Variants in MAP2 observed in about 807,000 individuals in gnomAD.
MAP2 encodes microtubule-associated protein 2.
In MAP2, 14 loss-of-function variants were observed where a neutral mutation model predicts 137.6. That is an observed-to-expected ratio of 0.10 (90% CI 0.07 to 0.16). The LOEUF (loss-of-function observed/expected upper bound fraction) is 0.16, where lower values mean the gene tolerates loss of function less well. MAP2 is among the 10% of genes least tolerant of loss of function. The probability of loss-of-function intolerance (pLI) is 1.00; values close to 1 mark genes in which losing one functional copy is unlikely to be tolerated. For missense variants in MAP2, 2,088 were observed against 2,191.5 expected (o/e 0.95, Z 0.94); for synonymous variants, 786 against 782.3 (o/e 1.00, Z -0.08).
At chr2:209,474,431 G>C (rs917710340) in intron 1 of MAP2, among the ~76,000 whole-genome samples, 1 of 151,892 alleles carries the variant, frequency 6.6e-6, no homozygotes, top group African/African-American at 2.4e-5. Flanking sequence ...ATTATTTATT[G>C]CTTATTCCAC....
rs774370982 is a variant in MAP2 at position 209,695,917 on chromosome 2, C to T, written c.3747C>T (p.Leu1249=). The change falls in exon 8 of 16, where the codon CTC becomes CTT. Residue 1249 remains leucine (L), a synonymous_variant. Coordinates refer to ENST00000682079, the MANE Select transcript of MAP2 (RefSeq NM_001375505.1). ...CCCAGGGAGAATATGATAAACTGCT[C>T]TTCCGCTCAGACACCCTTCAGATAA... is the stretch of plus-strand genomic sequence containing the variant. The part of the protein sequence containing the change: ...IEAQGEYDKL[L]FRSDTLQITD... The T allele has an allele frequency of 6.2e-6, 10 of 1,614,172 alleles. No homozygotes were observed. Among genetic ancestry groups the T allele is most frequent in the Non-Finnish European group, 8.5e-6 (10 of 1,180,022 alleles).
intron 3 of MAP2, among the ~76,000 whole-genome samples, chr2:209,605,701 T>C (rs2084445239): frequency 6.6e-6 from 1 of 152,188 alleles, no homozygotes; most frequent in Non-Finnish European, 1.5e-5. Flanking sequence ...TAAAAAACTA[T>C]TGTGATACAG....
intron 1 of MAP2, among the ~76,000 whole-genome samples, chr2:209,427,801 A>C (rs910582497): frequency 6.6e-6 from 1 of 152,038 alleles, no homozygotes; most frequent in African/African-American, 2.4e-5. Flanking sequence ...CAAAAGGCCA[A>C]AGTCAAGGGA....
chr2:209,661,700 T>C, intron 5 of MAP2: 1 of 985,334 alleles, frequency 1.0e-6, no homozygotes, highest in Non-Finnish European at 1.2e-6. Flanking sequence ...CACGTTTGCT[T>C]TGTCCTATGT....
At chr2:209,705,528 A>G in intron 11 of MAP2, 52 bp from the exon 12 acceptor site, 1 of 1,481,824 alleles carries the variant, frequency 6.7e-7, no homozygotes, top group South Asian at 1.4e-5. Context: ...ATCACTTCGT[A>G]TAAATTAAAG....
chr2:209,609,460 ATCACCCC>A (rs1281935945), intron 3 of MAP2, among the ~76,000 whole-genome samples: 6 of 152,112 alleles, frequency 3.9e-5, no homozygotes, highest in Admixed American at 3.9e-4. Context: ...GAAGGTTTTT[ATCACCCC>A]CAATGGAAAC....
At chr2:209,613,000 T>G (rs956960320) in intron 3 of MAP2, among the ~76,000 whole-genome samples, 3 of 152,154 alleles carry the variant, frequency 2.0e-5, no homozygotes, top group African/African-American at 7.2e-5. Flanking sequence ...CATGGCTGCT[T>G]GCTACTGTAA....
At position 209,427,341 on chromosome 2, in the gene MAP2, A is replaced by G. The variant is rs557625476; in HGVS notation, c.-222+3065A>G. 3.3e-5 allele frequency among the ~76,000 whole-genome samples: 5 copies of G among 149,618 alleles called. No individual in the cohort carries two copies. The East Asian group carries it at 7.7e-4, about 23-fold the overall frequency. On this transcript the variant is annotated intron_variant, in intron 1 of 15. Coordinates refer to ENST00000682079, the MANE Select transcript of MAP2 (RefSeq NM_001375505.1). ...ACCTGAAGATAACAGTTTTGAAACA[A>G]TCTCAAATTTTTTTGTCTCTGTTAT...
chr2:209,632,007 G>T (rs556362911), intron 4 of MAP2, among the ~76,000 whole-genome samples: 1 of 152,160 alleles, frequency 6.6e-6, no homozygotes, highest in Non-Finnish European at 1.5e-5. Context: ...TGGGGATTCC[G>T]TGGGCAACAC....
At chr2:209,434,642 C>A (rs964907685) in intron 1 of MAP2, among the ~76,000 whole-genome samples, 7 of 151,058 alleles carry the variant, frequency 4.6e-5, no homozygotes, top group Non-Finnish European at 7.4e-5. Flanking sequence ...GCAACATAGA[C>A]CCCAAATCTA....
intron 1 of MAP2, among the ~76,000 whole-genome samples, chr2:209,497,561 T>C: frequency 6.6e-6 from 1 of 151,778 alleles, no homozygotes; most frequent in East Asian, 1.9e-4. Context: ...AGAAAAGAGG[T>C]TTAATTGGCT....
chr2:209,691,699 G>A (rs1189829360), intron 7 of MAP2, among the ~76,000 whole-genome samples: 1 of 152,156 alleles, frequency 6.6e-6, no homozygotes, highest in Non-Finnish European at 1.5e-5. Flanking sequence ...TCTAATTTCT[G>A]TGAAGCACCT....
At chr2:209,552,118 G>A (rs1332169375) in intron 2 of MAP2, among the ~76,000 whole-genome samples, 1 of 152,158 alleles carries the variant, frequency 6.6e-6, no homozygotes, top group Non-Finnish European at 1.5e-5. Context: ...TTTATTGACA[G>A]CAAATATTCT....
chr2:209,613,615 C>T, intron 3 of MAP2, among the ~76,000 whole-genome samples: 1 of 152,204 alleles, frequency 6.6e-6, no homozygotes. Context: ...AAGAGCTCTA[C>T]ACTTGGTGTC....
At chr2:209,713,516 G>T (rs1382764199) in intron 13 of MAP2, among the ~76,000 whole-genome samples, 1 of 152,144 alleles carries the variant, frequency 6.6e-6, no homozygotes, top group Non-Finnish European at 1.5e-5. Context: ...AAGAATATGG[G>T]CAATCATAGA....
intron 2 of MAP2, among the ~76,000 whole-genome samples, chr2:209,511,615 A>G (rs2061729718): frequency 6.6e-6 from 1 of 152,144 alleles, no homozygotes; most frequent in South Asian, 2.1e-4. Context: ...TCTGTCACCC[A>G]GGCTGGAGTA....
chr2:209,482,304 G>A (rs957746895), intron 1 of MAP2, among the ~76,000 whole-genome samples: 2 of 152,094 alleles, frequency 1.3e-5, no homozygotes, highest in African/African-American at 4.8e-5. Context: ...TTGCATAAAT[G>A]ACTGTCAGTA....
At chr2:209,649,169 A>G (rs567026255) in intron 4 of MAP2, among the ~76,000 whole-genome samples, 33 of 151,258 alleles carry the variant, frequency 2.2e-4, no homozygotes, top group South Asian at 1.3e-3. Context: ...AAATAGCTGC[A>G]CCCAGCTAAT....
At chr2:209,527,585 C>G (rs1370680373) in intron 2 of MAP2, among the ~76,000 whole-genome samples, 1 of 152,128 alleles carries the variant, frequency 6.6e-6, no homozygotes, top group Non-Finnish European at 1.5e-5. Flanking sequence ...GATTAAGGAA[C>G]CATCTCTTAT....
Sources: gnomAD v4.1 joint callset for allele counts (sites outside exome capture counted in the v4.1 genomes callset) on GRCh38, gnomAD v4.1.1 for gene constraint, MANE v1.5 for transcripts, NCBI Gene and HGNC (gene_info 2026-07-23, HGNC 2026-07-21) for gene names.